The following FBXW10B variants were observed in gnomAD, a reference collection of about 807,000 sequenced individuals.
FBXW10B encodes F-box and WD repeat domain containing 10B.
At chr17:15,600,661 A>C in the FBXW10B span, among the ~76,000 whole-genome samples, 4 of 152,026 alleles carry the variant, frequency 2.6e-5, no homozygotes. Context: ...GAAGATGCCC[A>C]CTCTCACTGC....
the FBXW10B span, chr17:15,619,144 A>G: frequency 1.4e-5 from 23 of 1,613,880 alleles, no homozygotes; most frequent in South Asian, 4.4e-5. Flanking sequence ...TCGCAAACCA[A>G]TACAAGATCT....
the FBXW10B span, among the ~76,000 whole-genome samples, chr17:15,591,458 T>G: frequency 2.0e-4 from 30 of 151,952 alleles, no homozygotes; most frequent in African/African-American, 7.0e-4. Flanking sequence ...CCCAGCTCAT[T>G]TTGTGTTTTT....
chr17:15,584,142 T>C, the FBXW10B span, among the ~76,000 whole-genome samples: 1 of 152,228 alleles, frequency 6.6e-6, no homozygotes, highest in Non-Finnish European at 1.5e-5. Flanking sequence ...AACAAAAGTC[T>C]ACCCATAAGA....
chr17:15,613,391 G>A, the FBXW10B span, among the ~76,000 whole-genome samples: 39 of 128,442 alleles, frequency 3.0e-4, 1 homozygote, highest in Admixed American at 7.4e-4. Flanking sequence ...GCTCCTGAGC[G>A]GTCTCTATCC....
At chr17:15,602,599 GA>G in the FBXW10B span, among the ~76,000 whole-genome samples, 143 of 114,152 alleles carry the variant, frequency 1.3e-3, 5 homozygotes, top group African/African-American at 5.7e-3. Context: ...TTCATATTGA[GA>G]TTTTTTTTTT....
At chr17:15,589,507 T>G in the FBXW10B span, among the ~76,000 whole-genome samples, 3 of 151,268 alleles carry the variant, frequency 2.0e-5, no homozygotes, top group Non-Finnish European at 4.4e-5. Context: ...GTTCCCCTCT[T>G]ATGAAAGGGC....
At chr17:15,598,926 C>T in the FBXW10B span, 1 of 419,196 alleles carries the variant, frequency 2.4e-6, no homozygotes, top group Non-Finnish European at 4.3e-6. Flanking sequence ...CCTGTAATCC[C>T]AACACTTTGG....
At chr17:15,602,111 TAA>T in the FBXW10B span, among the ~76,000 whole-genome samples, 52 of 131,382 alleles carry the variant, frequency 4.0e-4, no homozygotes, top group East Asian at 8.7e-4. Context: ...GACTCCGTCT[TAA>T]AAAAAAAAAA....
the FBXW10B span, chr17:15,568,785 A>G: frequency 1.8e-6 from 2 of 1,091,182 alleles, no homozygotes; most frequent in Non-Finnish European, 2.3e-6. Context: ...TCAGGCACCT[A>G]TAAGCCATCC....
At chr17:15,603,724 A>C in the FBXW10B span, among the ~76,000 whole-genome samples, 2 of 147,048 alleles carry the variant, frequency 1.4e-5, no homozygotes, top group African/African-American at 5.0e-5. Flanking sequence ...GCACATGGGC[A>C]CCAGGGGACA....
At chr17:15,598,411 G>C in the FBXW10B span, 6 of 1,472,504 alleles carry the variant, frequency 4.1e-6, no homozygotes, top group African/African-American at 1.4e-5. Context: ...GTGGGTGGAT[G>C]GATGGATGGA....
the FBXW10B span, among the ~76,000 whole-genome samples, chr17:15,618,312 C>T: frequency 0.02 from 3,023 of 151,932 alleles, 74 homozygotes; most frequent in African/African-American, 0.056. Context: ...TGGGTGACAG[C>T]GAGACTCCAT....
chr17:15,615,753 T>C, the FBXW10B span: 1 of 1,613,832 alleles, frequency 6.2e-7, no homozygotes, highest in Non-Finnish European at 8.5e-7. Flanking sequence ...GTCGCAGACT[T>C]GGAGCTGTGG....
chr17:15,619,331 A>G, the FBXW10B span: 1 of 1,613,800 alleles, frequency 6.2e-7, no homozygotes, highest in Non-Finnish European at 8.5e-7. Flanking sequence ...TAACTGCTTC[A>G]GAATGCCAAC....
chr17:15,575,268 T>A, the FBXW10B span, among the ~76,000 whole-genome samples: 5 of 144,228 alleles, frequency 3.5e-5, no homozygotes, highest in South Asian at 1.0e-3. Flanking sequence ...TTCTATCTTA[T>A]GGTCTTCCGT....
At chr17:15,570,388 A>C in the FBXW10B span, among the ~76,000 whole-genome samples, 1 of 152,250 alleles carries the variant, frequency 6.6e-6, no homozygotes, top group Non-Finnish European at 1.5e-5. Flanking sequence ...ATGGTGAGCA[A>C]AAATGCAAAG....
the FBXW10B span, among the ~76,000 whole-genome samples, chr17:15,586,037 G>A: frequency 6.7e-6 from 1 of 150,208 alleles, no homozygotes; most frequent in Admixed American, 6.7e-5. Context: ...CAGCCAATCT[G>A]AGTACAATGG....
the FBXW10B span, chr17:15,598,505 A>G: frequency 6.2e-7 from 1 of 1,613,758 alleles, no homozygotes; most frequent in South Asian, 1.1e-5. Context: ...GAAACTTCTT[A>G]GAAAATTTAA....
At chr17:15,565,589 A>G in the FBXW10B span, 1 of 1,614,234 alleles carries the variant, frequency 6.2e-7, no homozygotes, top group East Asian at 2.2e-5. Flanking sequence ...TGCTTCGTGA[A>G]ATTATCAATA....
Sources: allele counts gnomAD v4.1 joint callset (sites outside exome capture counted in the v4.1 genomes callset), GRCh38; gene constraint gnomAD v4.1.1; transcripts MANE v1.5; gene names NCBI Gene and HGNC (gene_info 2026-07-23, HGNC 2026-07-21).